ERC2: variants seen among roughly 807,000 people sequenced by gnomAD.
The protein encoded by ERC2 is ELKS/RAB6-interacting/CAST family member 2.
In ERC2, 42 loss-of-function variants were observed where a neutral mutation model predicts 114.8. The observed-to-expected ratio is 0.37, with a 90% confidence interval of 0.29 to 0.47. The LOEUF (loss-of-function observed/expected upper bound fraction) is 0.47. Among genes scored for constraint, ERC2 ranks in the 20% least tolerant of loss-of-function variants. ERC2 has a pLI of 0.99. For missense variants in ERC2, 939 were observed against 1,150.7 expected (o/e 0.82, Z 2.66); for synonymous variants, 454 against 425.5 (o/e 1.07, Z -0.82).
At chr3:55,715,748 G>T (rs1328773259) in intron 15 of ERC2, among the ~76,000 whole-genome samples, 3 of 152,164 alleles carry the variant, frequency 2.0e-5, no homozygotes, top group African/African-American at 7.2e-5. Flanking sequence ...TAGGTCTTTA[G>T]TTCTGGAATT....
At chr3:55,804,262 G>T (rs1287595468) in intron 14 of ERC2, among the ~76,000 whole-genome samples, 4 of 152,024 alleles carry the variant, frequency 2.6e-5, no homozygotes, top group Admixed American at 6.5e-5. Flanking sequence ...ACCCTCAAAG[G>T]GTAACTTTAC....
intron 17 of ERC2, among the ~76,000 whole-genome samples, chr3:55,621,359 T>A (rs2059321314): frequency 6.6e-6 from 1 of 152,080 alleles, no homozygotes; most frequent in South Asian, 2.1e-4. Flanking sequence ...GGGCAAACAC[T>A]CCCTCATGAA....
chr3:55,588,267 C>T (rs1319074957), intron 17 of ERC2, among the ~76,000 whole-genome samples: 2 of 152,070 alleles, frequency 1.3e-5, no homozygotes. Context: ...GTCCCCAACC[C>T]CTCCTTCCAG....
chr3:55,527,478 A>C (rs2053403349), intron 17 of ERC2, among the ~76,000 whole-genome samples: 1 of 151,978 alleles, frequency 6.6e-6, no homozygotes. Flanking sequence ...TCCTCTTAAG[A>C]CTCCAGTTCA....
intron 17 of ERC2, among the ~76,000 whole-genome samples, chr3:55,590,929 A>G (rs1449217637): frequency 6.6e-6 from 1 of 152,136 alleles, no homozygotes; most frequent in Non-Finnish European, 1.5e-5. Flanking sequence ...CCCGGGTTCA[A>G]GCGATTCTCA....
chr3:55,747,917 T>C (rs1291335566), intron 14 of ERC2, among the ~76,000 whole-genome samples: 1 of 152,248 alleles, frequency 6.6e-6, no homozygotes. Flanking sequence ...TAAAAAGTTA[T>C]ATTTGTTAGT....
At chr3:56,184,772 C>A (rs1174162441) in intron 3 of ERC2, among the ~76,000 whole-genome samples, 1 of 152,152 alleles carries the variant, frequency 6.6e-6, no homozygotes, top group African/African-American at 2.4e-5. Flanking sequence ...TGGTTTGTTT[C>A]TCAGTTCCCT....
At chr3:56,335,795 T>C (rs2057821500) in intron 2 of ERC2, among the ~76,000 whole-genome samples, 1 of 152,186 alleles carries the variant, frequency 6.6e-6, no homozygotes, top group African/African-American at 2.4e-5. Flanking sequence ...GTCTCTACTC[T>C]GCTGTGAGTC....
chr3:55,952,170 C>CTATATAT (rs1156431343), intron 12 of ERC2, among the ~76,000 whole-genome samples: 3 of 64,556 alleles, frequency 4.6e-5, no homozygotes, highest in African/African-American at 1.5e-4. Context: ...CACACACACA[C>CTATATAT]ACACACACAC....
intron 6 of ERC2, among the ~76,000 whole-genome samples, chr3:56,132,061 G>T (rs2080236061): frequency 6.6e-6 from 1 of 152,112 alleles, no homozygotes; most frequent in South Asian, 2.1e-4. Context: ...AAACTCTTTT[G>T]CTCCAAATGG....
intron 15 of ERC2, among the ~76,000 whole-genome samples, chr3:55,712,153 T>C (rs1217105641): frequency 3.3e-5 from 5 of 152,244 alleles, no homozygotes. Flanking sequence ...CCACGTTTCT[T>C]CTTGATCATT....
chr3:56,136,522 T>C (rs975924478), intron 6 of ERC2, among the ~76,000 whole-genome samples: 18 of 152,156 alleles, frequency 1.2e-4, no homozygotes, highest in Non-Finnish European at 1.8e-4. Context: ...GATTATTTCA[T>C]ATGAATTTAA....
intron 14 of ERC2, among the ~76,000 whole-genome samples, chr3:55,775,263 A>G (rs1288864433): frequency 6.6e-6 from 1 of 152,124 alleles, no homozygotes; most frequent in Non-Finnish European, 1.5e-5. Context: ...CGGGTGTGGT[A>G]GCTCACACCT....
chr3:56,389,732 C>T (rs1257110914), intron 2 of ERC2, among the ~76,000 whole-genome samples: 1 of 152,166 alleles, frequency 6.6e-6, no homozygotes, highest in Admixed American at 6.5e-5. Context: ...CCCTTTGATT[C>T]TGCTGCTTGG....
At chr3:55,992,486 T>C (rs1372022927) in intron 10 of ERC2, among the ~76,000 whole-genome samples, 2 of 152,154 alleles carry the variant, frequency 1.3e-5, no homozygotes, top group Non-Finnish European at 2.9e-5. Context: ...TTATTGATAT[T>C]TTGTTCCATT....
At chr3:55,564,860 G>A (rs560450002) in intron 17 of ERC2, among the ~76,000 whole-genome samples, 1 of 152,334 alleles carries the variant, frequency 6.6e-6, no homozygotes, top group South Asian at 2.1e-4. Context: ...ATCAGCAAAT[G>A]TTTTCCATAA....
intron 12 of ERC2, among the ~76,000 whole-genome samples, chr3:55,977,372 G>GGGCAGGGGGAGCATTTAAAAC (rs71099606): frequency 0.33 from 50,631 of 151,950 alleles, 8,733 homozygotes; most frequent in African/African-American, 0.4. Context: ...AGTGACAAAT[G>GGGCAGGGGGAGCATTTAAAAC]TCAGATCAAA....
chr3:56,445,546 T>C (rs937008440), intron 1 of ERC2, among the ~76,000 whole-genome samples: 4 of 152,228 alleles, frequency 2.6e-5, no homozygotes, highest in Non-Finnish European at 5.9e-5. Flanking sequence ...CAATTACGAT[T>C]ATAAAATATC....
intron 17 of ERC2, among the ~76,000 whole-genome samples, chr3:55,680,918 C>T (rs2062026648): frequency 1.3e-5 from 2 of 152,146 alleles, no homozygotes; most frequent in African/African-American, 4.8e-5. Context: ...GGCAAATGAA[C>T]ATGTGAGGCC....
Sources: allele counts gnomAD v4.1 joint callset (sites outside exome capture counted in the v4.1 genomes callset), GRCh38; gene constraint gnomAD v4.1.1; transcripts MANE v1.5; gene names NCBI Gene and HGNC (gene_info 2026-07-23, HGNC 2026-07-21).